Variants in CTNND1 observed in about 807,000 individuals in gnomAD.
CTNND1 encodes catenin delta 1, also known as catenin delta-1.
Under a neutral mutation model 112.1 loss-of-function variants are expected in CTNND1, and 16 were observed. The observed-to-expected ratio is 0.14, with a 90% CI of 0.10 to 0.22. The LOEUF (loss-of-function observed/expected upper bound fraction) is 0.22. CTNND1 is among the 10% of genes least tolerant of loss of function. CTNND1 has a pLI of 1.00. For missense variants in CTNND1, 1,008 were observed against 1,257.0 expected, an observed-to-expected ratio of 0.80 and a Z score of 3.00; for synonymous variants, 420 against 446.5, an observed-to-expected ratio of 0.94 and a Z score of 0.75.
intron 1 of CTNND1, among the ~76,000 whole-genome samples, chr11:57,778,815 T>G (rs1247350902): frequency 6.6e-6 from 1 of 152,126 alleles, no homozygotes; most frequent in Non-Finnish European, 1.5e-5. Flanking sequence ...TCTTTGTGGT[T>G]CTCCTGTGAA....
chr11:57,795,062 C>T lies in CTNND1; in HGVS notation c.268-515C>T, dbSNP rs199751622. On this transcript the variant is annotated intron_variant, in intron 4 of 20. Coordinates refer to ENST00000399050, the MANE Select transcript of CTNND1 (RefSeq NM_001085458.2). ...AAATAAAATTAGCCAGGCATGGTGG[C>T]GTGAGCCTGTAGTTCTAGCTACTCA... Among the ~76,000 whole-genome samples the T allele has an allele frequency of 1.6e-4, 25 of 152,156 alleles. No individual in the cohort carries two copies. In the East Asian group the frequency reaches 2.9e-3, roughly 18 times the overall value.
intron 3 of CTNND1, 42 bp from the exon 4 acceptor site, chr11:57,793,968 A>C: frequency 6.3e-7 from 1 of 1,599,286 alleles, no homozygotes; most frequent in Non-Finnish European, 8.6e-7. Flanking sequence ...AGAGCAAAAG[A>C]AGGCCACAAA....
At chr11:57,777,119 TTAAC>T in intron 1 of CTNND1, among the ~76,000 whole-genome samples, 1 of 152,172 alleles carries the variant, frequency 6.6e-6, no homozygotes, top group Admixed American at 6.5e-5. Context: ...TAAGAGACTG[TTAAC>T]TTTTTTTGTG....
At chr11:57,813,009 G>C (rs1456929341) in intron 17 of CTNND1, among the ~76,000 whole-genome samples, 2 of 152,204 alleles carry the variant, frequency 1.3e-5, no homozygotes, top group Non-Finnish European at 2.9e-5. Context: ...ATTTGCCACT[G>C]TGAGCCTGGT....
chr11:57,794,280 T>C (rs769344623), intron 4 of CTNND1, among the ~76,000 whole-genome samples, 199 bp downstream of exon 4: 1 of 152,182 alleles, frequency 6.6e-6, no homozygotes, highest in Admixed American at 6.5e-5. Context: ...TTAATGACCA[T>C]TGATCTTTAT....
chr11:57,781,635 AC>A (rs2059592809), intron 1 of CTNND1: 1 of 152,270 alleles, frequency 6.6e-6, no homozygotes. Context: ...GCAAGGTTGC[AC>A]AGGGATCCAG....
At chr11:57,763,040 T>C (rs1351621464) in intron 1 of CTNND1, among the ~76,000 whole-genome samples, 1 of 152,214 alleles carries the variant, frequency 6.6e-6, no homozygotes, top group Non-Finnish European at 1.5e-5. Flanking sequence ...GGGAGATTTT[T>C]ATTTTTAAAC....
chr11:57,775,348 AAC>A (rs147874424), intron 1 of CTNND1, among the ~76,000 whole-genome samples: 35 of 141,510 alleles, frequency 2.5e-4, no homozygotes, highest in Non-Finnish European at 4.3e-4. Flanking sequence ...AAAAAAAAAC[AAC>A]ACACACACAC....
chr11:57,801,967 T>C lies in CTNND1; in HGVS notation c.1191T>C (p.Asn397=), dbSNP rs2062056832. The change falls in exon 7 of 21, where the codon AAT becomes AAC. Residue 397 remains asparagine, a synonymous_variant. Transcript: ENST00000399050. ...ACCTGCAACACTTATGCTACCGCAA[T>C]GACAAGGTGAAGACTGACGTGCGGA... The part of the protein sequence containing the change: ...AAYLQHLCYR[N]DKVKTDVRKL... 7.4e-6 allele frequency: 12 copies of C among 1,613,888 alleles called. No individual in the cohort carries two copies. Among genetic ancestry groups the C allele is most frequent in the Non-Finnish European group, 1.0e-5 (12 of 1,179,910 alleles).
chr11:57,805,350 A>G (rs11570208), intron 9 of CTNND1, among the ~76,000 whole-genome samples: 3,753 of 151,904 alleles, frequency 0.025, 165 homozygotes, highest in African/African-American at 0.086. Flanking sequence ...GGTTCAAGCA[A>G]TTCTCTGCCT....
chr11:57,810,390 G>T (rs981072438), intron 16 of CTNND1, among the ~76,000 whole-genome samples, 167 bp downstream of exon 16: 2 of 151,596 alleles, frequency 1.3e-5, no homozygotes, highest in Non-Finnish European at 2.9e-5. Context: ...GTGAAGTGGC[G>T]CAATCTCGGC....
intron 6 of CTNND1, 51 bp from the exon 7 acceptor site, chr11:57,801,682 G>A (rs2062036966): frequency 6.8e-7 from 1 of 1,480,300 alleles, no homozygotes; most frequent in Non-Finnish European, 9.3e-7. Flanking sequence ...TGTCCAGGAA[G>A]CTAGCCATAA....
At chr11:57,762,767 CCTT>C (rs1950163266) in intron 1 of CTNND1, among the ~76,000 whole-genome samples, 1 of 152,154 alleles carries the variant, frequency 6.6e-6, no homozygotes, top group Non-Finnish European at 1.5e-5. Context: ...ATTGCCATCT[CCTT>C]CTTCCTTCTA....
chr11:57,801,794 G>A lies in CTNND1; in HGVS notation c.1018G>A (p.Ala340Thr), dbSNP rs749993801. 3 of 1,613,854 alleles carry A rather than the reference G, an allele frequency of 1.9e-6. No homozygotes were observed. The highest frequency in any genetic ancestry group is 1.7e-6 in the Non-Finnish European group (2 of 1,179,892). ...PSDQYYWAPL[A>T]QHERGSLASL... is the part of the protein sequence containing the mutation. Reference sequence around the variant, plus strand: ...GGATCAATACTACTGGGCTCCTTTGGCCCAGCATGAGCGAGGAAGTTTAGC... The same window carrying A: ...GGATCAATACTACTGGGCTCCTTTGACCCAGCATGAGCGAGGAAGTTTAGC... The change falls in exon 7 of 21, where the codon GCC (alanine) becomes ACC (threonine). Residue 340 changes from alanine (A) to threonine (T), a missense_variant. Physicochemically the swap from Ala to Thr is moderately conservative, Grantham distance 58. Coordinates refer to ENST00000399050, the MANE Select transcript of CTNND1 (RefSeq NM_001085458.2).
At chr11:57,791,291 C>T in intron 2 of CTNND1, 94 bp from the exon 3 acceptor site, 1 of 1,122,204 alleles carries the variant, frequency 8.9e-7, no homozygotes, top group Non-Finnish European at 1.1e-6. Context: ...GCAGTAAAAC[C>T]ACGAGAGGGC....
intron 16 of CTNND1, among the ~76,000 whole-genome samples, chr11:57,811,155 T>C (rs541992671): frequency 6.6e-6 from 1 of 152,182 alleles, no homozygotes. Context: ...TACTATTCTC[T>C]GAAACTGTAT....
chr11:57,778,318 C>A (rs752906960), intron 1 of CTNND1, among the ~76,000 whole-genome samples: 1 of 152,080 alleles, frequency 6.6e-6, no homozygotes, highest in Non-Finnish European at 1.5e-5. Context: ...GGTGAAGTTC[C>A]TAAAGTAGTT....
intron 5 of CTNND1, 37 bp from the exon 6 acceptor site, chr11:57,796,420 T>TAA (rs2061371562): frequency 6.5e-7 from 1 of 1,533,940 alleles, no homozygotes; most frequent in Non-Finnish European, 8.8e-7. Flanking sequence ...GCTCACTTCC[T>TAA]TAATTAGTTT....
chr11:57,786,343 C>T lies in CTNND1; in HGVS notation c.-213-2694C>T, dbSNP rs570994410. 3.1e-4 allele frequency among the ~76,000 whole-genome samples: 47 copies of T among 152,016 alleles called. 1 individual carries two copies. In the South Asian group the frequency reaches 9.0e-3, roughly 29 times the overall value. ...GGTCAGGAGATCGAGACCATCCTGG[C>T]TGACACGGTGAAACCCCGTCTCCAC... On this transcript the variant is annotated intron_variant, in intron 1 of 20. Coordinates refer to ENST00000399050, the MANE Select transcript of CTNND1 (RefSeq NM_001085458.2).
Sources: gnomAD v4.1 joint callset for allele counts (sites outside exome capture counted in the v4.1 genomes callset) on GRCh38, gnomAD v4.1.1 for gene constraint, MANE v1.5 for transcripts, NCBI Gene and HGNC (gene_info 2026-07-23, HGNC 2026-07-21) for gene names.